NOSTRIN: variants seen among roughly 807,000 people sequenced by gnomAD.
NOSTRIN encodes the protein BM247 homolog.
Under a neutral mutation model 59.0 loss-of-function variants are expected in NOSTRIN, and 63 were observed. That is an observed-to-expected ratio of 1.07 (90% CI 0.87 to 1.32). The LOEUF is 1.32. Ranked by LOEUF, NOSTRIN falls within the 40% of genes most tolerant of loss-of-function variation. The pLI is 0.00. For missense variants in NOSTRIN, 512 were observed against 473.1 expected (o/e 1.08, Z -0.76); for synonymous variants, 200 against 165.4 (o/e 1.21, Z -1.61).
rs80075099 is a variant in NOSTRIN at position 168,811,612 on chromosome 2, G to A, written c.73G>A (p.Glu25Lys). The A allele has an allele frequency of 2.1e-4, 185 of 863,664 alleles. 2 individuals carry two copies. The East Asian group carries it at 2.2e-3, about 10-fold the overall frequency. 53.5% of individuals were successfully genotyped at this position (863,664 alleles called of 1,614,324 possible). Reference protein sequence around the residue: ...KNLKEFSQNGENFCKQVTSVL... With the variant: ...KNLKEFSQNGKNFCKQVTSVL... ...CCTAAAGGAGTTTTCTCAAAATGGA[G>A]AGAATTTCTGCAAACAGGTCACATC... The change falls in exon 2 of 16, where the codon GAG becomes AAG. Residue 25 changes from glutamate (E) to lysine (K), a missense_variant. Transcript: ENST00000317647.
intron 7 of NOSTRIN, among the ~76,000 whole-genome samples, chr2:168,840,305 C>G (rs1422381444): frequency 1.3e-5 from 2 of 151,968 alleles, no homozygotes; most frequent in Non-Finnish European, 2.9e-5. Context: ...CTGAAACGGG[C>G]GGATCACGAG....
intron 5 of NOSTRIN, among the ~76,000 whole-genome samples, chr2:168,830,548 G>T (rs1278037531): frequency 6.6e-6 from 1 of 152,226 alleles, no homozygotes; most frequent in Non-Finnish European, 1.5e-5. Context: ...TCTCAGAGTG[G>T]TTGAATAACG....
intron 8 of NOSTRIN, among the ~76,000 whole-genome samples, chr2:168,846,632 A>G (rs1353369360): frequency 6.6e-6 from 1 of 152,234 alleles, no homozygotes; most frequent in Non-Finnish European, 1.5e-5. Context: ...GAAATAACCT[A>G]TATTTTTCAC....
intron 6 of NOSTRIN, among the ~76,000 whole-genome samples, chr2:168,832,018 T>C (rs185150972): frequency 6.6e-6 from 1 of 152,230 alleles, no homozygotes; most frequent in African/African-American, 2.4e-5. Flanking sequence ...GTTTTGTTTT[T>C]TTCATTTGTA....
chr2:168,862,006 T>C lies in NOSTRIN; in HGVS notation c.1341T>C (p.Tyr447=). 1 of 1,614,216 alleles carries C rather than the reference T, an allele frequency of 6.2e-7. No homozygotes were observed. Among genetic ancestry groups the C allele is most frequent in the Non-Finnish European group, 8.5e-7 (1 of 1,180,022 alleles). The change falls in exon 15 of 16, where the codon TAT becomes TAC. Residue 447 remains tyrosine (Y), a synonymous_variant. Coordinates refer to ENST00000317647, the MANE Select transcript of NOSTRIN (RefSeq NM_001039724.4). The part of the protein sequence containing the change: ...QLSSRLCKAL[Y]SFQARQDDEL... ...GCAGCAGACTTTGCAAGGCCTTGTA[T>C]TCTTTTCAAGCCAGGCAAGATGATG...
upstream of NOSTRIN, among the ~76,000 whole-genome samples, chr2:168,800,367 C>T (rs1163472333): frequency 6.6e-6 from 1 of 152,240 alleles, no homozygotes; most frequent in East Asian, 1.9e-4. Flanking sequence ...CAACCTATTT[C>T]TGACCTCCAA....
At chr2:168,838,520 G>T (rs538596711) in intron 7 of NOSTRIN, among the ~76,000 whole-genome samples, 2 of 152,046 alleles carry the variant, frequency 1.3e-5, no homozygotes, top group Admixed American at 6.5e-5. Flanking sequence ...GATTACAGGC[G>T]CGAGCCACCG....
At chr2:168,862,114 C>CCTGT (rs1345022634) in intron 15 of NOSTRIN, 65 bp downstream of exon 15, 5 of 1,445,796 alleles carry the variant, frequency 3.5e-6, no homozygotes, top group East Asian at 2.3e-5. Flanking sequence ...TGAATAAAAC[C>CCTGT]CTGTCTTAGT....
At chr2:168,858,117 C>T (rs1424672014) in intron 12 of NOSTRIN, among the ~76,000 whole-genome samples, 1 of 152,244 alleles carries the variant, frequency 6.6e-6, no homozygotes, top group Non-Finnish European at 1.5e-5. Context: ...GGTTATACAT[C>T]TATTCCTTTG....
intron 7 of NOSTRIN, among the ~76,000 whole-genome samples, chr2:168,837,417 C>T (rs1687800979): frequency 1.4e-5 from 2 of 138,698 alleles, no homozygotes; most frequent in African/African-American, 5.3e-5. Context: ...TCATGACATT[C>T]TCCTGCCTCA....
chr2:168,842,279 G>A (rs1251042067), intron 7 of NOSTRIN, among the ~76,000 whole-genome samples: 2 of 152,146 alleles, frequency 1.3e-5, no homozygotes, highest in African/African-American at 2.4e-5. Context: ...TTTTACTTCT[G>A]AGGCTGCTTC....
intron 2 of NOSTRIN, among the ~76,000 whole-genome samples, chr2:168,788,681 T>G (rs1017402112): frequency 3.9e-5 from 6 of 152,070 alleles, no homozygotes; most frequent in Non-Finnish European, 8.8e-5. Context: ...CGTAAATATA[T>G]TAACAATAAG....
rs1271378211 is a variant in NOSTRIN at position 168,834,505 on chromosome 2, G to GCACA, written c.504+181_504+182insACAC. 5.0e-3 allele frequency among the ~76,000 whole-genome samples: 513 copies of GCACA among 103,112 alleles called. 4 individuals are homozygous for GCACA. Among genetic ancestry groups the GCACA allele is most frequent in the African/African-American group, 0.014 (465 of 34,286 alleles). The allele number at this position is 103,112 out of a possible 152,430, so 67.6% of individuals were successfully genotyped here. A position where few individuals can be genotyped will look rare whatever the true frequency, so the allele number is the denominator to read the frequency against. On this transcript the variant is annotated intron_variant, in intron 7 of 15. Transcript: ENST00000317647. ...ATTACTGGCGTGCGCGCGCGCGCGC[G>GCACA]CGCACACACACACACACACACACAC... is the stretch of plus-strand genomic sequence containing the variant.
intron 8 of NOSTRIN, among the ~76,000 whole-genome samples, chr2:168,850,031 A>G (rs929924232): frequency 2.0e-5 from 3 of 149,924 alleles, no homozygotes; most frequent in Admixed American, 6.7e-5. Flanking sequence ...TTCTGCCTCA[A>G]CCTCCTGAGT....
At chr2:168,817,827 T>A (rs1374324453) in intron 2 of NOSTRIN, among the ~76,000 whole-genome samples, 1 of 152,204 alleles carries the variant, frequency 6.6e-6, no homozygotes, top group African/African-American at 2.4e-5. Context: ...AATGCTGCAG[T>A]GGGCTAGCAA....
intron 7 of NOSTRIN, 25 bp from the exon 8 acceptor site, chr2:168,842,967 G>A (rs1176688658): frequency 5.8e-6 from 5 of 866,468 alleles, no homozygotes; most frequent in East Asian, 2.4e-5. Context: ...GTTAGTAAAT[G>A]TGTGACATTG....
At chr2:168,802,441 G>C, upstream of NOSTRIN, 1 of 539,008 alleles carries the variant, frequency 1.9e-6, no homozygotes, top group Non-Finnish European at 3.5e-6. Context: ...CACACTGGCC[G>C]TCTTGACCCA....
At chr2:168,806,950 G>A (rs1359065234) in intron 1 of NOSTRIN, among the ~76,000 whole-genome samples, 1 of 152,168 alleles carries the variant, frequency 6.6e-6, no homozygotes, top group African/African-American at 2.4e-5. Context: ...TAAACTTACT[G>A]TGATTATACA....
chr2:168,832,706 A>G (rs1275174096), intron 6 of NOSTRIN, among the ~76,000 whole-genome samples: 1 of 152,278 alleles, frequency 6.6e-6, no homozygotes. Context: ...TAAAAAGTAA[A>G]GTCCCAGAAA....
Sources: gnomAD v4.1 joint callset for allele counts (sites outside exome capture counted in the v4.1 genomes callset) on GRCh38, gnomAD v4.1.1 for gene constraint, MANE v1.5 for transcripts, NCBI Gene and HGNC (gene_info 2026-07-23, HGNC 2026-07-21) for gene names.